Variants in DOCK5 observed in about 807,000 individuals in gnomAD.
The protein encoded by DOCK5 is dedicator of cytokinesis 5, also known as dedicator of cytokinesis protein 5.
Under a neutral mutation model 251.8 loss-of-function variants are expected in DOCK5, and 142 were observed. That is an observed-to-expected ratio of 0.56 (90% CI 0.49 to 0.65). DOCK5 has a LOEUF of 0.65. DOCK5 is among the 30% of genes least tolerant of loss of function. The pLI is 0.00. For missense variants in DOCK5, 2,111 were observed against 2,312.3 expected (o/e 0.91, Z 1.79); for synonymous variants, 842 against 835.5 (o/e 1.01, Z -0.13).
At chr8:25,283,111 T>C (rs1338237492) in intron 5 of DOCK5, among the ~76,000 whole-genome samples, 2 of 152,132 alleles carry the variant, frequency 1.3e-5, no homozygotes, top group Non-Finnish European at 2.9e-5. Context: ...ACGGTAACCA[T>C]GTAGAATAAT....
rs151017298 is a variant in DOCK5, at chr8:25,316,924, C to G, written c.1319-83C>G. On this transcript the variant is annotated intron_variant, in intron 13 of 51. Transcript: ENST00000276440. ...ATAAAACCAGACCATTTCGTGTTGTCTTTACCTTTTATGTCGTATGACATT... is the reference window on the plus strand; with the variant it reads ...ATAAAACCAGACCATTTCGTGTTGTGTTTACCTTTTATGTCGTATGACATT... 1,413 of 1,547,598 alleles carry G rather than the reference C, an allele frequency of 9.1e-4. 21 individuals are homozygous for G. In the East Asian group the frequency reaches 0.025, roughly 28 times the overall value.
At chr8:25,396,239 G>C (rs1055819826) in intron 45 of DOCK5, among the ~76,000 whole-genome samples, 90 of 152,236 alleles carry the variant, frequency 5.9e-4, no homozygotes, top group African/African-American at 2.1e-3. Flanking sequence ...AATTGGCCAG[G>C]CATGATGGTG....
chr8:25,277,604 TCTC>T (rs766001403), intron 4 of DOCK5: 1 of 151,998 alleles, frequency 6.6e-6, no homozygotes, highest in Non-Finnish European at 1.5e-5. Flanking sequence ...AAAAACCAGG[TCTC>T]CTGCCCTGCT....
chr8:25,374,679 C>A, intron 37 of DOCK5, 25 bp downstream of exon 37: 1 of 1,613,684 alleles, frequency 6.2e-7, no homozygotes, highest in South Asian at 1.1e-5. Flanking sequence ...GAGCTTGTTT[C>A]AACAGGGTGG....
At chr8:25,368,133 T>A (rs1800811167) in intron 31 of DOCK5, 59 bp from the exon 32 acceptor site, 1 of 1,319,430 alleles carries the variant, frequency 7.6e-7, no homozygotes. Flanking sequence ...CTTCTTATTG[T>A]GTTTATGCAA....
chr8:25,359,161 A>AG (rs1800631801), intron 28 of DOCK5, 100 bp downstream of exon 28: 1 of 989,528 alleles, frequency 1.0e-6, no homozygotes, highest in Non-Finnish European at 1.6e-6. Flanking sequence ...TTCTCTTCCC[A>AG]CGCACCTCCG....
At chr8:25,353,256 C>T (rs1167658871) in intron 27 of DOCK5, among the ~76,000 whole-genome samples, 1 of 152,256 alleles carries the variant, frequency 6.6e-6, no homozygotes, top group South Asian at 2.1e-4. Context: ...AGGAGGATCG[C>T]TTGAACCCAG....
chr8:25,370,049 A>G (rs1357446468), intron 34 of DOCK5, among the ~76,000 whole-genome samples: 3 of 152,236 alleles, frequency 2.0e-5, no homozygotes, highest in Admixed American at 2.0e-4. Context: ...CATAAAGGAC[A>G]TATAACCAAA....
chr8:25,261,713 A>G (rs891726932), intron 2 of DOCK5, among the ~76,000 whole-genome samples: 2 of 152,216 alleles, frequency 1.3e-5, no homozygotes, highest in African/African-American at 2.4e-5. Flanking sequence ...TCCGATCAAG[A>G]TAAAACACAT....
At chr8:25,320,481 G>A (rs1225020976) in intron 15 of DOCK5, among the ~76,000 whole-genome samples, 2 of 152,106 alleles carry the variant, frequency 1.3e-5, no homozygotes, top group Non-Finnish European at 2.9e-5. Context: ...GTATAATCAT[G>A]CCATGATTTG....
In DOCK5 at chr8:25,408,043, G is replaced by A; in HGVS notation, c.5154G>A (p.Leu1718=). 6.2e-7 allele frequency: 1 copy of A among 1,611,608 alleles called. No homozygotes were observed. ...CGTCAGGTGCCAGAGTTGAAGATCT[G>A]TCCCTTAGAGAGGAGAACAGCGAGA... ...RASSGARVED[L]SLREENSENR... The change falls in exon 49 of 52, where the codon CTG becomes CTA. Residue 1718 remains leucine, a synonymous_variant. Transcript: ENST00000276440.
intron 34 of DOCK5, among the ~76,000 whole-genome samples, chr8:25,371,693 A>G (rs1800875755): frequency 6.6e-6 from 1 of 152,186 alleles, no homozygotes; most frequent in Non-Finnish European, 1.5e-5. Flanking sequence ...TACACACAAT[A>G]TTTATACATG....
intron 45 of DOCK5, among the ~76,000 whole-genome samples, chr8:25,397,065 T>TA (rs1238651468): frequency 6.6e-6 from 1 of 151,594 alleles, no homozygotes; most frequent in Non-Finnish European, 1.5e-5. Flanking sequence ...AATAAAAACA[T>TA]AAAAAAATCA....
intron 3 of DOCK5, chr8:25,270,841 T>C: frequency 1.4e-6 from 1 of 710,138 alleles, no homozygotes; most frequent in South Asian, 1.5e-5. Flanking sequence ...TGCTCAAGTC[T>C]CTGATATAAA....
In DOCK5 at chr8:25,207,455, C is replaced by T. The variant is rs114336127; in HGVS notation, c.43+22504C>T. On this transcript the variant is annotated intron_variant, in intron 1 of 51. Coordinates refer to ENST00000276440, the MANE Select transcript of DOCK5 (RefSeq NM_024940.8). ...TGACGGGCATCAAAGGATAGGCTGA[C>T]CCTCTTGTTAGGGGCTAATGCAGCT... 8.7e-3 allele frequency among the ~76,000 whole-genome samples: 1,319 copies of T among 152,280 alleles called. 16 individuals carry two copies. The highest frequency in any genetic ancestry group is 0.026 in the African/African-American group (1,092 of 41,556).
At chr8:25,260,804 T>C (rs1803556934) in intron 2 of DOCK5, among the ~76,000 whole-genome samples, 1 of 151,992 alleles carries the variant, frequency 6.6e-6, no homozygotes, top group South Asian at 2.1e-4. Context: ...TTCTTTTTTT[T>C]TTTTTTAAAC....
chr8:25,243,234 A>G (rs1195352958), intron 1 of DOCK5, among the ~76,000 whole-genome samples: 1 of 152,174 alleles, frequency 6.6e-6, no homozygotes, highest in African/African-American at 2.4e-5. Flanking sequence ...GGATGGGGGA[A>G]ATGAGGATCC....
intron 1 of DOCK5, among the ~76,000 whole-genome samples, chr8:25,237,288 G>T (rs2117533038): frequency 6.6e-6 from 1 of 152,248 alleles, no homozygotes; most frequent in South Asian, 2.1e-4. Context: ...AGGATCACCA[G>T]AGCCTAGGGA....
chr8:25,398,399 ATAAT>A, intron 45 of DOCK5, among the ~76,000 whole-genome samples: 1 of 152,322 alleles, frequency 6.6e-6, no homozygotes, highest in South Asian at 2.1e-4. Context: ...TCTTTTTCTG[ATAAT>A]TATTTCATAT....
Sources: gnomAD v4.1 joint callset for allele counts (sites outside exome capture counted in the v4.1 genomes callset) on GRCh38, gnomAD v4.1.1 for gene constraint, MANE v1.5 for transcripts, NCBI Gene and HGNC (gene_info 2026-07-23, HGNC 2026-07-21) for gene names.